EOLA2: variants seen among roughly 807,000 people sequenced by gnomAD.
The protein encoded by EOLA2 is endothelium and lymphocyte associated ASCH domain 2, also known as protein EOLA2.
EOLA2 carries 3 observed loss-of-function variants against 4.1 expected under a neutral mutation model. The ratio of observed to expected loss-of-function variants is 0.73; its 90% CI spans 0.33 to 1.89. The LOEUF (loss-of-function observed/expected upper bound fraction) is 1.89, where lower values mean the gene tolerates loss of function less well. Ranked by LOEUF, EOLA2 falls within the 40% of genes most tolerant of loss-of-function variation. The pLI, the probability that EOLA2 is intolerant of heterozygous loss-of-function variation, is 0.08. For missense variants in EOLA2, 109 were observed against 126.4 expected (o/e 0.86, Z 0.66); for synonymous variants, 52 against 51.7 (o/e 1.01, Z -0.03).
Position 149,932,457 on chromosome X carries a change from T to C in EOLA2, c.*87A>G, listed in dbSNP as rs2090888266. The C allele has an allele frequency of 1.7e-6, 2 of 1,186,626 alleles. No individual in the cohort carries two copies. The highest frequency in any genetic ancestry group is 2.3e-6 in the Non-Finnish European group (2 of 881,917). ...GTGGAAATTCATCTTTAACCTAATTTATACAGGTCTGCGTCACGATGGCAA... is the reference window on the plus strand; with the variant it reads ...GTGGAAATTCATCTTTAACCTAATTCATACAGGTCTGCGTCACGATGGCAA... On this transcript the variant is annotated 3_prime_UTR_variant, in exon 5 of 5. Coordinates refer to ENST00000370406, the MANE Select transcript of EOLA2 (RefSeq NM_001013845.2).
At position 149,934,043 on chromosome X, in the gene EOLA2, G is replaced by A; in HGVS notation, c.-68C>T. The A allele has an allele frequency of 9.1e-7, 1 of 1,094,327 alleles. No homozygotes were observed. Among genetic ancestry groups the A allele is most frequent in the Non-Finnish European group, 1.2e-6 (1 of 841,068 alleles). The allele number at this position is 1,094,327 out of a possible 1,213,427, so 90.2% of individuals were successfully genotyped here. On this transcript the variant is annotated 5_prime_UTR_variant, in exon 3 of 5. Transcript: ENST00000370406. ...TGCTTCCGTCTGTCACTGATGTCGA[G>A]CACCACAGCAGGCCCAAGGGAAGGG...
intron 2 of EOLA2, among the ~76,000 whole-genome samples, chrX:149,936,991 G>A (rs1297666806): frequency 3.6e-5 from 4 of 110,929 alleles, no homozygotes; most frequent in Non-Finnish European, 7.5e-5. Context: ...CTCGCTGTGT[G>A]AAGACATGCT....
At chrX:149,933,480 C>T (rs1250837477) in intron 4 of EOLA2, 142 bp downstream of exon 4, 3 of 760,388 alleles carry the variant, frequency 3.9e-6, no homozygotes, top group Admixed American at 3.6e-5. Context: ...TCCTTGCCGC[C>T]CCTTTGAAGG....
At chrX:149,930,369 T>C (rs1410758787), downstream of EOLA2, among the ~76,000 whole-genome samples, 2 of 112,068 alleles carry the variant, frequency 1.8e-5, 1 homozygote, top group Non-Finnish European at 3.8e-5. Context: ...ATATTACCTC[T>C]ACGGGGTTGC....
At chrX:149,934,615 C>G in intron 2 of EOLA2, 1 of 751,298 alleles carries the variant, frequency 1.3e-6, no homozygotes, top group Non-Finnish European at 1.6e-6. Context: ...TGGCAACCCC[C>G]CACACATGCC....
In EOLA2 at chrX:149,933,715, G is replaced by T; in HGVS notation, c.160C>A (p.Arg54=). Residue 54 remains arginine (R), a synonymous_variant, in exon 4 of 5, where the codon CGG becomes AGG. Transcript: ENST00000370406. The part of the protein sequence containing the change: ...AHRDWEGDAC[R]ELLVERLGMT... The stretch of plus-strand genomic sequence containing the variant: ...CCGAGTCTCTCCACCAGCAGCTCCC[G>T]ACAGGCATCGCCTTCCCAGTCCCTG... The T allele has an allele frequency of 1.7e-6, 2 of 1,207,831 alleles. No homozygotes were observed. The highest frequency in any genetic ancestry group is 1.8e-5 in the African/African-American group (1 of 55,085).
chrX:149,934,414 C>G, intron 2 of EOLA2: 1 of 739,570 alleles, frequency 1.4e-6, no homozygotes, highest in African/African-American at 2.3e-5. Flanking sequence ...GAGCCCACAT[C>G]GTTGATATCC....
downstream of EOLA2, chrX:149,931,375 G>A (rs1323138131): frequency 4.3e-6 from 1 of 232,680 alleles, no homozygotes; most frequent in Non-Finnish European, 7.5e-6. Flanking sequence ...GTCCAAGACA[G>A]GCTTTGGTCC....
At chrX:149,937,958 G>A (rs2091043828) in intron 1 of EOLA2, among the ~76,000 whole-genome samples, 1 of 112,806 alleles carries the variant, frequency 8.9e-6, no homozygotes, top group Admixed American at 9.3e-5. Context: ...AGGGAAGACC[G>A]GGCCGAGATG....
At chrX:149,931,453 G>A (rs1342368989), downstream of EOLA2, among the ~76,000 whole-genome samples, 1 of 108,083 alleles carries the variant, frequency 9.3e-6, no homozygotes, top group Non-Finnish European at 1.9e-5. Context: ...GCTAGGAAGT[G>A]TCGAGGCCAA....
At chrX:149,937,503 A>G in intron 1 of EOLA2, 23 bp from the exon 2 acceptor site, 1 of 550,421 alleles carries the variant, frequency 1.8e-6, no homozygotes. Context: ...GAAGATAAAG[A>G]GGAAAGGTCA....
At position 149,937,204 on chromosome X, in the gene EOLA2, T is replaced by G. The variant is rs782042714; in HGVS notation, c.-163+229A>C. On this transcript the variant is annotated intron_variant, in intron 2 of 4. Transcript: ENST00000370406. ...AGGTTCCTTGGTTCTGGATTACTTC[T>G]GACGGAGGCTGAATGTCCCCCACAG... 3.6e-3 allele frequency among the ~76,000 whole-genome samples: 406 copies of G among 112,230 alleles called. 3 individuals are homozygous for G. Among genetic ancestry groups the G allele is most frequent in the African/African-American group, 0.013 (390 of 30,820 alleles).
chrX:149,938,115 G>T (rs782320215), intron 1 of EOLA2, 78 bp downstream of exon 1: 1 of 113,364 alleles, frequency 8.8e-6, no homozygotes, highest in African/African-American at 3.2e-5. Flanking sequence ...CGAAACCCAG[G>T]GGAAAGAAAC....
At chrX:149,930,922 C>A (rs1474137146), downstream of EOLA2, 1 of 911,569 alleles carries the variant, frequency 1.1e-6, no homozygotes, top group African/African-American at 2.3e-5. Flanking sequence ...GGGAGGGCAC[C>A]TCTGGGAATG....
chrX:149,935,296 GCTCTGGACCCTGCTCCTCTGGCTCA>G (rs1321688796), intron 2 of EOLA2, among the ~76,000 whole-genome samples: 2,232 of 71,995 alleles, frequency 0.031, 39 homozygotes, highest in African/African-American at 0.12. Flanking sequence ...TGCCTGCTGT[GCTCTGGACCCTGCTCCTCTGGCTCA>G]CTCCGGGCCC....
chrX:149,930,371 C>T (rs1398825556), downstream of EOLA2, among the ~76,000 whole-genome samples: 80 of 111,793 alleles, frequency 7.2e-4, no homozygotes, highest in Non-Finnish European at 6.6e-4. Flanking sequence ...ATTACCTCTA[C>T]GGGGTTGCAG....
rs373378421 is a variant in EOLA2 at position 149,933,715 on chromosome X, G to C, written c.160C>G (p.Arg54Gly). 8.3e-7 allele frequency: 1 copy of C among 1,206,143 alleles called. No homozygotes were observed. The highest frequency in any genetic ancestry group is 1.8e-5 in the South Asian group (1 of 56,523). ...AHRDWEGDAC[R>G]ELLVERLGMT... ...CCGAGTCTCTCCACCAGCAGCTCCC[G>C]ACAGGCATCGCCTTCCCAGTCCCTG... The change falls in exon 4 of 5, where the codon CGG (arginine) becomes GGG (glycine). Residue 54 changes from arginine to glycine, a missense_variant. Coordinates refer to ENST00000370406, the MANE Select transcript of EOLA2 (RefSeq NM_001013845.2).
downstream of EOLA2, chrX:149,930,033 A>G: frequency 8.6e-7 from 1 of 1,159,314 alleles, no homozygotes; most frequent in Non-Finnish European, 1.1e-6. Flanking sequence ...AGGATCTTCA[A>G]AACAGACAAC....
intron 2 of EOLA2, among the ~76,000 whole-genome samples, chrX:149,936,074 G>A (rs1362887954): frequency 2.0e-5 from 2 of 102,478 alleles, no homozygotes; most frequent in African/African-American, 7.2e-5. Context: ...TTGGTACAGG[G>A]ACAATGAGAT....
Sources: gnomAD v4.1 joint callset for allele counts (sites outside exome capture counted in the v4.1 genomes callset) on GRCh38, gnomAD v4.1.1 for gene constraint, MANE v1.5 for transcripts, NCBI Gene and HGNC (gene_info 2026-07-23, HGNC 2026-07-21) for gene names.